RBFOX1: variants seen among roughly 807,000 people sequenced by gnomAD.
RBFOX1 encodes the protein RNA binding protein fox-1 homolog 1.
RBFOX1 carries 8 observed loss-of-function variants against 57.7 expected under a neutral mutation model. That is an observed-to-expected ratio of 0.14 (90% confidence interval 0.08 to 0.25). The LOEUF (loss-of-function observed/expected upper bound fraction) is 0.25. Ranked by LOEUF, RBFOX1 falls within the 10% of genes least tolerant of loss-of-function variation. RBFOX1 has a pLI of 1.00. For synonymous variants in RBFOX1, 326 were observed against 222.4 expected, an observed-to-expected ratio of 1.47 and a Z score of -4.15; for missense variants, 611 against 548.5, an observed-to-expected ratio of 1.11 and a Z score of -1.14.
intron 1 of RBFOX1, among the ~76,000 whole-genome samples, chr16:5,242,478 C>G (rs1048921880): frequency 6.6e-6 from 1 of 152,194 alleles, no homozygotes; most frequent in South Asian, 2.1e-4. Flanking sequence ...ATTCCTCTTC[C>G]TTTTTAGTTT....
rs541520395 is a variant in RBFOX1, at chr16:6,563,835, A to AAT, written c.-63-90757_-63-90756dup. ...AGTGGGATCCTGTCTCCAAAAAAAA[A>AAT]ATATATATATATGTGTGTGTGTGTG... On this transcript the variant is annotated intron_variant, in intron 2 of 15. Coordinates refer to ENST00000550418, the MANE Select transcript of RBFOX1 (RefSeq NM_018723.4). Among the ~76,000 whole-genome samples the AAT allele has an allele frequency of 3.4e-4, 52 of 151,322 alleles. No individual in the cohort carries two copies. The East Asian group carries it at 5.8e-3, about 17-fold the overall frequency.
intron 1 of RBFOX1, among the ~76,000 whole-genome samples, chr16:5,298,226 G>A (rs1202092107): frequency 6.6e-6 from 1 of 152,146 alleles, no homozygotes; most frequent in Non-Finnish European, 1.5e-5. Flanking sequence ...TTACATGTTA[G>A]ATCAAGTAAA....
intron 7 of RBFOX1, among the ~76,000 whole-genome samples, chr16:7,593,364 A>G (rs943295958): frequency 6.6e-6 from 1 of 152,070 alleles, no homozygotes; most frequent in African/African-American, 2.4e-5. Context: ...ATCCCCCTAA[A>G]TTCTCTCTTT....
At chr16:5,401,835 A>C (rs1244663586) in intron 1 of RBFOX1, among the ~76,000 whole-genome samples, 1 of 145,492 alleles carries the variant, frequency 6.9e-6, no homozygotes, top group African/African-American at 2.6e-5. Flanking sequence ...CTGCTTCCTC[A>C]TCATCATTTC....
At chr16:7,195,609 G>C (rs2086505305) in intron 4 of RBFOX1, among the ~76,000 whole-genome samples, 1 of 152,164 alleles carries the variant, frequency 6.6e-6, no homozygotes, top group African/African-American at 2.4e-5. Context: ...CCAGGCTGGA[G>C]TGCAGTGGTG....
intron 3 of RBFOX1, among the ~76,000 whole-genome samples, chr16:6,686,407 A>C (rs1439520049): frequency 6.6e-6 from 1 of 152,164 alleles, no homozygotes; most frequent in Non-Finnish European, 1.5e-5. Context: ...ATGACAGTAC[A>C]CCTAAGAACT....
At chr16:7,015,714 A>G (rs545920961) in intron 3 of RBFOX1, among the ~76,000 whole-genome samples, 22 of 152,266 alleles carry the variant, frequency 1.4e-4, no homozygotes, top group African/African-American at 4.6e-4. Flanking sequence ...TCACATTTCT[A>G]TTATGTTCCA....
chr16:6,556,216 A>G (rs1326509873), intron 2 of RBFOX1, among the ~76,000 whole-genome samples: 2 of 152,196 alleles, frequency 1.3e-5, no homozygotes, highest in Admixed American at 6.5e-5. Flanking sequence ...GGTGTTCTTT[A>G]TCAACGTCTC....
At chr16:6,475,286 G>C (rs1047621553) in intron 2 of RBFOX1, among the ~76,000 whole-genome samples, 1 of 152,194 alleles carries the variant, frequency 6.6e-6, no homozygotes, top group African/African-American at 2.4e-5. Context: ...CCTGTCAGCA[G>C]TGTGCTTGAT....
At chr16:6,841,283 T>G (rs140832858) in intron 3 of RBFOX1, among the ~76,000 whole-genome samples, 1 of 152,328 alleles carries the variant, frequency 6.6e-6, no homozygotes, top group African/African-American at 2.4e-5. Context: ...TTGCGAGGTT[T>G]GATAAGGACA....
Position 6,002,582 on chromosome 16 carries a change from A to T in RBFOX1, c.351+135247A>T, listed in dbSNP as rs184817649. Among the ~76,000 whole-genome samples, 10 of 152,268 alleles carry T rather than the reference A, an allele frequency of 6.6e-5. No homozygotes were observed. The East Asian group carries it at 1.9e-3, about 30-fold the overall frequency. On this transcript the variant is annotated intron_variant, in intron 4 of 19. Coordinates refer to the RBFOX1 transcript ENST00000641259. ...AGTGAATCCATAATTGAGAGAAGAG[A>T]ACTCCATAATTGAGAGAAGAGAATC...
At chr16:7,597,144 T>C (rs1460748683) in intron 8 of RBFOX1, 3 of 407,256 alleles carry the variant, frequency 7.4e-6, no homozygotes, top group Non-Finnish European at 1.3e-5. Context: ...CTCTTAATGA[T>C]ATGACATTGC....
intron 3 of RBFOX1, among the ~76,000 whole-genome samples, chr16:6,728,632 G>T (rs553777431): frequency 9.9e-5 from 15 of 152,224 alleles, no homozygotes; most frequent in African/African-American, 3.6e-4. Context: ...GCTGCCCCAC[G>T]CTGGCTAATG....
chr16:6,802,113 T>A (rs1485551875), intron 3 of RBFOX1, among the ~76,000 whole-genome samples: 1 of 152,018 alleles, frequency 6.6e-6, no homozygotes, highest in Non-Finnish European at 1.5e-5. Context: ...TGTTAAGAAA[T>A]CCTTCAGTAT....
At chr16:5,489,543 TTGTC>T in intron 2 of RBFOX1, among the ~76,000 whole-genome samples, 1 of 152,320 alleles carries the variant, frequency 6.6e-6, no homozygotes, top group South Asian at 2.1e-4. Flanking sequence ...CTTGGTTTCT[TTGTC>T]TGTAAAATGG....
intron 12 of RBFOX1, among the ~76,000 whole-genome samples, chr16:7,663,517 G>C (rs1217365092): frequency 6.6e-6 from 1 of 151,944 alleles, no homozygotes; most frequent in Admixed American, 6.6e-5. Context: ...GTGTGTGTGT[G>C]TGTGTGTGTG....
At chr16:6,135,463 A>G (rs941712430) in intron 1 of RBFOX1, among the ~76,000 whole-genome samples, 4 of 152,166 alleles carry the variant, frequency 2.6e-5, no homozygotes, top group African/African-American at 7.2e-5. Context: ...AAATTTTGCC[A>G]CTTGTCCTGA....
At chr16:7,310,535 C>T (rs2096284198) in intron 4 of RBFOX1, among the ~76,000 whole-genome samples, 1 of 152,270 alleles carries the variant, frequency 6.6e-6, no homozygotes, top group East Asian at 1.9e-4. Context: ...CATCAAGGGG[C>T]ATACTTATTA....
chr16:7,186,824 C>T (rs961900238), intron 4 of RBFOX1, among the ~76,000 whole-genome samples: 2 of 150,792 alleles, frequency 1.3e-5, no homozygotes, highest in Admixed American at 6.6e-5. Flanking sequence ...AAAATGTATT[C>T]AGTGTTTTGA....
Sources: gnomAD v4.1 joint callset for allele counts (sites outside exome capture counted in the v4.1 genomes callset) on GRCh38, gnomAD v4.1.1 for gene constraint, MANE v1.5 for transcripts, NCBI Gene and HGNC (gene_info 2026-07-23, HGNC 2026-07-21) for gene names.